Variants in CNTN5 observed in about 807,000 individuals in gnomAD.
CNTN5 encodes the protein contactin-5.
In CNTN5, 77 loss-of-function variants were observed where a neutral mutation model predicts 129.1. The ratio of observed to expected loss-of-function variants is 0.60; its 90% CI spans 0.50 to 0.72. The LOEUF is 0.72. CNTN5 is among the 30% of genes least tolerant of loss of function. The pLI is 0.00. For synonymous variants in CNTN5, 509 were observed against 465.6 expected (o/e 1.09, Z -1.20); for missense variants, 1,478 against 1,328.8 (o/e 1.11, Z -1.75).
At chr11:99,909,344 C>A (rs1472911010) in intron 6 of CNTN5, among the ~76,000 whole-genome samples, 1 of 152,060 alleles carries the variant, frequency 6.6e-6, no homozygotes, top group African/African-American at 2.4e-5. Flanking sequence ...GAAATAGGAA[C>A]ACTTTTACAC....
chr11:99,861,151 G>T (rs924491749), intron 6 of CNTN5, among the ~76,000 whole-genome samples: 2 of 151,812 alleles, frequency 1.3e-5, no homozygotes, highest in Non-Finnish European at 2.9e-5. Context: ...TACAGACAGG[G>T]TTCCACTGTA....
At chr11:99,142,961 C>T (rs750957448) in intron 1 of CNTN5, among the ~76,000 whole-genome samples, 6 of 152,152 alleles carry the variant, frequency 3.9e-5, no homozygotes, top group Non-Finnish European at 5.9e-5. Context: ...CCCCATGTTC[C>T]CAGCTTCTCT....
At chr11:99,987,447 C>T (rs961421361) in intron 8 of CNTN5, among the ~76,000 whole-genome samples, 8 of 150,876 alleles carry the variant, frequency 5.3e-5, no homozygotes, top group African/African-American at 9.7e-5. Context: ...AATATATGCA[C>T]ATATATATTT....
chr11:99,694,694 A>T (rs2134815530), intron 3 of CNTN5, among the ~76,000 whole-genome samples: 1 of 151,884 alleles, frequency 6.6e-6, no homozygotes, highest in Non-Finnish European at 1.5e-5. Flanking sequence ...GGCAGTCAGC[A>T]GTGTGTGATG....
intron 3 of CNTN5, among the ~76,000 whole-genome samples, chr11:99,654,082 T>C (rs1038938175): frequency 6.6e-6 from 1 of 152,076 alleles, no homozygotes; most frequent in Non-Finnish European, 1.5e-5. Flanking sequence ...TTTATTAGAA[T>C]GCAAACAAGC....
intron 21 of CNTN5, among the ~76,000 whole-genome samples, chr11:100,331,480 T>C (rs1297597816): frequency 6.6e-6 from 1 of 152,008 alleles, no homozygotes; most frequent in Non-Finnish European, 1.5e-5. Context: ...CTAGAACAAA[T>C]GGACCTAACA....
At chr11:99,623,445 C>T (rs984932156) in intron 3 of CNTN5, among the ~76,000 whole-genome samples, 1 of 152,094 alleles carries the variant, frequency 6.6e-6, no homozygotes, top group African/African-American at 2.4e-5. Context: ...AACAGTCTTG[C>T]CAAGCTTACA....
intron 2 of CNTN5, among the ~76,000 whole-genome samples, chr11:99,359,736 T>C (rs948660250): frequency 8.5e-5 from 13 of 152,110 alleles, no homozygotes; most frequent in Admixed American, 2.0e-4. Context: ...TGATTTATTT[T>C]GAGGCAAATT....
At chr11:99,832,428 A>G (rs1947171174) in intron 4 of CNTN5, among the ~76,000 whole-genome samples, 1 of 151,364 alleles carries the variant, frequency 6.6e-6, no homozygotes, top group African/African-American at 2.4e-5. Flanking sequence ...GTGACAAAAA[A>G]CCTATTAGAC....
chr11:99,072,056 TCCATTTATATGAAGTTGA>T (rs1472071741), intron 1 of CNTN5, among the ~76,000 whole-genome samples: 1 of 152,160 alleles, frequency 6.6e-6, no homozygotes, highest in African/African-American at 2.4e-5. Context: ...AGTGTATATT[TCCATTTATATGAAGTTGA>T]CCATTTATAT....
intron 13 of CNTN5, among the ~76,000 whole-genome samples, chr11:100,114,336 GTC>G (rs770277209): frequency 2.6e-5 from 4 of 152,090 alleles, no homozygotes; most frequent in Non-Finnish European, 5.9e-5. Flanking sequence ...TACATATATA[GTC>G]TGTTTTTTAA....
chr11:100,065,527 C>G (rs1205627716), intron 10 of CNTN5, among the ~76,000 whole-genome samples: 1 of 152,020 alleles, frequency 6.6e-6, no homozygotes, highest in East Asian at 1.9e-4. Flanking sequence ...CACAATAACC[C>G]TTAGGTCTTA....
chr11:99,515,628 C>T (rs890444771), intron 2 of CNTN5, among the ~76,000 whole-genome samples: 10 of 151,962 alleles, frequency 6.6e-5, no homozygotes, highest in Admixed American at 6.6e-4. Context: ...AAAAGCTTTG[C>T]CTTAATTGTC....
chr11:99,548,495 C>T (rs146671445), intron 2 of CNTN5, among the ~76,000 whole-genome samples: 1 of 152,124 alleles, frequency 6.6e-6, no homozygotes, highest in Non-Finnish European at 1.5e-5. Context: ...TATAGCCAAT[C>T]GCTGGTTGAA....
At chr11:99,141,757 T>C (rs1014900245) in intron 1 of CNTN5, among the ~76,000 whole-genome samples, 2 of 152,192 alleles carry the variant, frequency 1.3e-5, no homozygotes, top group African/African-American at 2.4e-5. Flanking sequence ...GTTTACCCAA[T>C]AGTCATCCAG....
At chr11:99,971,561 C>T (rs2136228067) in intron 8 of CNTN5, among the ~76,000 whole-genome samples, 1 of 150,786 alleles carries the variant, frequency 6.6e-6, no homozygotes, top group South Asian at 2.1e-4. Context: ...AAACAAAAAA[C>T]AAACAAACAA....
Position 99,321,269 on chromosome 11 carries a change from C to T in CNTN5, c.-209-4077C>T, listed in dbSNP as rs190116550. On this transcript the variant is annotated intron_variant, in intron 1 of 24. Coordinates refer to ENST00000524871, the MANE Select transcript of CNTN5 (RefSeq NM_014361.4). ...CAGACAGACATACACACACATACAT[C>T]CTACTGGTTCTGTTTCTCTGGAGAA... 1.2e-3 allele frequency among the ~76,000 whole-genome samples: 183 copies of T among 151,270 alleles called. 1 individual carries two copies. The highest frequency in any genetic ancestry group is 4.2e-3 in the African/African-American group (175 of 41,268).
intron 6 of CNTN5, among the ~76,000 whole-genome samples, chr11:99,896,041 T>G (rs1460550162): frequency 6.6e-6 from 1 of 151,932 alleles, no homozygotes; most frequent in African/African-American, 2.4e-5. Flanking sequence ...ATGGCTCTGT[T>G]TCTCTGAGTG....
chr11:99,381,690 A>G (rs1372758883), intron 2 of CNTN5, among the ~76,000 whole-genome samples: 1 of 152,158 alleles, frequency 6.6e-6, no homozygotes, highest in East Asian at 1.9e-4. Context: ...TGCACAGTCA[A>G]GTTTCTTGAA....
Sources: gnomAD v4.1 joint callset for allele counts (sites outside exome capture counted in the v4.1 genomes callset) on GRCh38, gnomAD v4.1.1 for gene constraint, MANE v1.5 for transcripts, NCBI Gene and HGNC (gene_info 2026-07-23, HGNC 2026-07-21) for gene names.